SLIT2: variants seen among roughly 807,000 people sequenced by gnomAD.
SLIT2 encodes slit guidance ligand 2.
Under a neutral mutation model 185.7 loss-of-function variants are expected in SLIT2, and 41 were observed. That is an observed-to-expected ratio of 0.22 (90% confidence interval 0.17 to 0.29). The LOEUF (loss-of-function observed/expected upper bound fraction) is 0.29, where lower values mean the gene tolerates loss of function less well. SLIT2 is among the 10% of genes least tolerant of loss of function. The pLI is 1.00. For missense variants in SLIT2, 1,571 were observed against 1,909.0 expected (o/e 0.82, Z 3.30); for synonymous variants, 693 against 680.2 (o/e 1.02, Z -0.29).
At chr4:20,467,559 CA>C (rs1436690712) in intron 4 of SLIT2, among the ~76,000 whole-genome samples, 192 bp from the exon 5 acceptor site, 2 of 151,388 alleles carry the variant, frequency 1.3e-5, no homozygotes, top group Admixed American at 1.3e-4. Context: ...GCCATTATTC[CA>C]ACTTTTTAAT....
In SLIT2 at chr4:20,381,301, A is replaced by C. The variant is rs530832758; in HGVS notation, c.396-86451A>C. Reference sequence around the variant, plus strand: ...ATTGCTGAAAACCAGTGATGAAGAGAATATTTTAAAAGCAGGCAGAGAAAT... The same window carrying C: ...ATTGCTGAAAACCAGTGATGAAGAGCATATTTTAAAAGCAGGCAGAGAAAT... On this transcript the variant is annotated intron_variant, in intron 4 of 36. Coordinates refer to ENST00000504154, the MANE Select transcript of SLIT2 (RefSeq NM_004787.4). Among the ~76,000 whole-genome samples, 9 of 152,194 alleles carry C rather than the reference A, an allele frequency of 5.9e-5. No homozygotes were observed. In the South Asian group the frequency reaches 1.7e-3, roughly 28 times the overall value.
chr4:20,291,976 G>A (rs1328335470), intron 4 of SLIT2, among the ~76,000 whole-genome samples: 3 of 151,766 alleles, frequency 2.0e-5, no homozygotes, highest in African/African-American at 7.3e-5. Context: ...AGGTGTTCCT[G>A]CGTATGTGCT....
intron 4 of SLIT2, among the ~76,000 whole-genome samples, chr4:20,273,496 G>A (rs577339314): frequency 3.3e-5 from 5 of 152,012 alleles, no homozygotes; most frequent in African/African-American, 1.2e-4. Flanking sequence ...TGGGTTCAGG[G>A]TTTGTAACTT....
intron 18 of SLIT2, 29 bp from the exon 19 acceptor site, chr4:20,539,412 C>A (rs932933492): frequency 1.2e-6 from 2 of 1,602,170 alleles, no homozygotes; most frequent in African/African-American, 2.7e-5. Flanking sequence ...TGCTTTGTCT[C>A]CATAACAATG....
intron 33 of SLIT2, among the ~76,000 whole-genome samples, chr4:20,606,426 G>C (rs191913098): frequency 1.7e-3 from 255 of 151,642 alleles, no homozygotes; most frequent in Non-Finnish European, 2.9e-3. Flanking sequence ...AGGCTGCAGT[G>C]AGCCGTAATT....
Position 20,610,106 on chromosome 4 carries a change from A to T in SLIT2, c.3786A>T (p.Lys1262Asn). ...LSLSVDGGNP[K>N]IITNLSKQST... ...TGTCCGTGGATGGTGGGAACCCCAA[A>T]ATCATCACTAACTTGTCAAAGCAGT... Residue 1262 changes from lysine to asparagine, a missense_variant, in exon 34 of 37, where the codon AAA becomes AAT. Coordinates refer to ENST00000504154, the MANE Select transcript of SLIT2 (RefSeq NM_004787.4). 1 of 1,613,812 alleles carries T rather than the reference A, an allele frequency of 6.2e-7. No individual in the cohort carries two copies. Among genetic ancestry groups the T allele is most frequent in the Non-Finnish European group, 8.5e-7 (1 of 1,179,772 alleles).
rs1415147023 is a variant in SLIT2 at position 20,370,385 on chromosome 4, A to G, written c.396-97367A>G. 2.0e-5 allele frequency among the ~76,000 whole-genome samples: 3 copies of G among 152,110 alleles called. No homozygotes were observed. In the East Asian group the frequency reaches 5.8e-4, roughly 29 times the overall value. On this transcript the variant is annotated intron_variant, in intron 4 of 36. Transcript: ENST00000504154. Reference sequence around the variant, plus strand: ...CTGAGGCGGCCAATGCCTCTGGTTAAACAGAGAGTGTATAGGAAGTGCTCT... The same window carrying G: ...CTGAGGCGGCCAATGCCTCTGGTTAGACAGAGAGTGTATAGGAAGTGCTCT...
At chr4:20,364,123 A>T in intron 4 of SLIT2, 1 of 249,958 alleles carries the variant, frequency 4.0e-6, no homozygotes, top group Non-Finnish European at 6.3e-6. Context: ...TCAGAGTATT[A>T]TGCCTGCCAG....
intron 4 of SLIT2, among the ~76,000 whole-genome samples, chr4:20,315,231 T>A (rs1316964226): frequency 1.3e-5 from 2 of 152,162 alleles, no homozygotes; most frequent in African/African-American, 4.8e-5. Context: ...TATGAAGTTT[T>A]GCCCAGAAGG....
intron 4 of SLIT2, among the ~76,000 whole-genome samples, chr4:20,376,524 C>A (rs900018912): frequency 6.6e-6 from 1 of 152,034 alleles, no homozygotes; most frequent in African/African-American, 2.4e-5. Context: ...CGAAATCCCC[C>A]TGTCCGTGCA....
chr4:20,474,699 T>C (rs1043574248), intron 5 of SLIT2, among the ~76,000 whole-genome samples: 1 of 152,066 alleles, frequency 6.6e-6, no homozygotes, highest in Non-Finnish European at 1.5e-5. Flanking sequence ...ACAGTACACT[T>C]TCTCACCTCT....
At chr4:20,487,511 T>C (rs1334150043) in intron 7 of SLIT2, among the ~76,000 whole-genome samples, 1 of 152,214 alleles carries the variant, frequency 6.6e-6, no homozygotes, top group East Asian at 1.9e-4. Flanking sequence ...AATCAGGTTT[T>C]TCCATTTTTA....
intron 4 of SLIT2, among the ~76,000 whole-genome samples, chr4:20,372,488 A>G (rs529706824): frequency 4.6e-5 from 7 of 152,190 alleles, no homozygotes; most frequent in South Asian, 2.1e-4. Context: ...TATATTATCT[A>G]TTGTTAATTT....
At chr4:20,384,362 A>G (rs1185830373) in intron 4 of SLIT2, among the ~76,000 whole-genome samples, 3 of 152,186 alleles carry the variant, frequency 2.0e-5, no homozygotes, top group African/African-American at 7.2e-5. Flanking sequence ...CTGGTTGTCA[A>G]GGGTTGGAGA....
chr4:20,563,498 A>G (rs1724858520), intron 26 of SLIT2, among the ~76,000 whole-genome samples: 1 of 151,778 alleles, frequency 6.6e-6, no homozygotes, highest in Non-Finnish European at 1.5e-5. Flanking sequence ...GCTTGTCCAC[A>G]CCTAATTTGT....
At chr4:20,456,963 A>G (rs1023293146) in intron 4 of SLIT2, among the ~76,000 whole-genome samples, 5 of 152,084 alleles carry the variant, frequency 3.3e-5, no homozygotes, top group Non-Finnish European at 7.4e-5. Flanking sequence ...ATGAAAAAAA[A>G]TATCTCTACC....
rs1363065686 is a variant in SLIT2 at position 20,329,349 on chromosome 4, G to A, written c.395+60468G>A. 2.0e-5 allele frequency among the ~76,000 whole-genome samples: 3 copies of A among 151,796 alleles called. No homozygotes were observed. In the East Asian group the frequency reaches 5.8e-4, roughly 29 times the overall value. Reference sequence around the variant, plus strand: ...TTAGAATAATTAGATGAAATAAGATGTATAATTAAAATATATGATTTATAA... The same window carrying A: ...TTAGAATAATTAGATGAAATAAGATATATAATTAAAATATATGATTTATAA... On this transcript the variant is annotated intron_variant, in intron 4 of 36. Transcript: ENST00000504154.
In SLIT2 at chr4:20,396,445, C is replaced by T. The variant is rs182877180; in HGVS notation, c.396-71307C>T. ...TGTCTACAGACCCCTCATCTAGTTA[C>T]AAAACTGGATGAAATGCTTTATGCT... On this transcript the variant is annotated intron_variant, in intron 4 of 36. Coordinates refer to ENST00000504154, the MANE Select transcript of SLIT2 (RefSeq NM_004787.4). Among the ~76,000 whole-genome samples the T allele has an allele frequency of 5.7e-3, 861 of 151,876 alleles. 26 individuals carry two copies. Among genetic ancestry groups the T allele is most frequent in the Non-Finnish European group, 2.8e-3 (193 of 67,858 alleles).
At chr4:20,330,544 GA>G (rs1183686059) in intron 4 of SLIT2, among the ~76,000 whole-genome samples, 2 of 152,006 alleles carry the variant, frequency 1.3e-5, no homozygotes, top group African/African-American at 4.8e-5. Context: ...TGTTTGCAAG[GA>G]AAAATGAATT....
Sources: allele counts gnomAD v4.1 joint callset (sites outside exome capture counted in the v4.1 genomes callset), GRCh38; gene constraint gnomAD v4.1.1; transcripts MANE v1.5; gene names NCBI Gene and HGNC (gene_info 2026-07-23, HGNC 2026-07-21).